The following RPS6KB1 variants were observed in gnomAD, a reference collection of about 807,000 sequenced individuals.
RPS6KB1 encodes ribosomal protein S6 kinase beta-1.
RPS6KB1 carries 12 observed loss-of-function variants against 70.2 expected under a neutral mutation model. The observed-to-expected ratio is 0.17, with a 90% CI of 0.11 to 0.28. The LOEUF is 0.28. Ranked by LOEUF, RPS6KB1 falls within the 10% of genes least tolerant of loss-of-function variation. The probability of loss-of-function intolerance (pLI) is 1.00; values close to 1 mark genes in which losing one functional copy is unlikely to be tolerated. For synonymous variants in RPS6KB1, 175 were observed against 211.2 expected (o/e 0.83, Z 1.49); for missense variants, 270 against 646.6 (o/e 0.42, Z 6.32).
chr17:59,946,791 G>C lies in RPS6KB1; in HGVS notation c.*3G>C. The C allele has an allele frequency of 1.9e-6, 3 of 1,613,566 alleles. No individual in the cohort carries two copies. The highest frequency in any genetic ancestry group is 2.5e-6 in the Non-Finnish European group (3 of 1,179,498). ...AGCACCTGCGTATGAATCTATGACA[G>C]AGCAATGCTTTTAATGAATTTAAGG... On this transcript the variant is annotated 3_prime_UTR_variant, in exon 15 of 15. Transcript: ENST00000225577. The surrounding 1 kb of genome is among the most constrained non-coding windows in gnomAD (Gnocchi z 4.2).
Position 59,893,351 on chromosome 17 carries a change from C to G in RPS6KB1, c.141+26C>G. The stretch of plus-strand genomic sequence containing the variant: ...GTGAGGCCCGGGGTCCCCGGGGGCC[C>G]GAGGTGACAGGGCCGGGGCGGCGGC... On this transcript the variant is annotated intron_variant, in intron 1 of 14. Coordinates refer to ENST00000225577, the MANE Select transcript of RPS6KB1 (RefSeq NM_003161.4). The surrounding 1 kb of genome is among the most constrained non-coding windows in gnomAD (Gnocchi z 4.1). 2 of 1,581,784 alleles carry G rather than the reference C, an allele frequency of 1.3e-6. No homozygotes were observed. The highest frequency in any genetic ancestry group is 1.7e-6 in the Non-Finnish European group (2 of 1,164,050).
intron 13 of RPS6KB1, among the ~76,000 whole-genome samples, chr17:59,944,136 C>T (rs1309041835): frequency 6.6e-6 from 1 of 152,100 alleles, no homozygotes; most frequent in African/African-American, 2.4e-5. Flanking sequence ...CTGAAGTTCA[C>T]ATATAACTGT....
intron 5 of RPS6KB1, among the ~76,000 whole-genome samples, chr17:59,927,587 A>C (rs1398849658): frequency 1.3e-5 from 2 of 149,144 alleles, no homozygotes; most frequent in African/African-American, 4.9e-5. Flanking sequence ...GCTCACTGCA[A>C]CTTCCGCCTC....
chr17:59,948,965 C>T lies in RPS6KB1; in HGVS notation c.*2177C>T, dbSNP rs1198362577. 6.6e-6 allele frequency: 1 copy of T among 152,584 alleles called. No individual in the cohort carries two copies. Among genetic ancestry groups the T allele is most frequent in the Non-Finnish European group, 1.5e-5 (1 of 68,002 alleles). 9.5% of individuals were successfully genotyped at this position (152,584 alleles called of 1,614,324 possible). On this transcript the variant is annotated 3_prime_UTR_variant, in exon 15 of 15. Transcript: ENST00000225577. ...TGACCAAATTCCAGTGAAACTTATA[C>T]ACCAAAATATTCTTCCTAGGTCCTA...
intron 1 of RPS6KB1, among the ~76,000 whole-genome samples, chr17:59,900,087 C>G (rs548072145): frequency 6.6e-6 from 1 of 151,770 alleles, no homozygotes; most frequent in Non-Finnish European, 1.5e-5. Flanking sequence ...AAGAGATGAT[C>G]ACTGGAGCCC....
At chr17:59,943,796 G>C (rs1367447767) in intron 13 of RPS6KB1, among the ~76,000 whole-genome samples, 1 of 150,824 alleles carries the variant, frequency 6.6e-6, no homozygotes, top group Non-Finnish European at 1.5e-5. Context: ...CTTGAACCCG[G>C]GAGGAGGAGG....
intron 12 of RPS6KB1, among the ~76,000 whole-genome samples, chr17:59,938,950 ACT>A (rs2044419016): frequency 6.6e-6 from 1 of 151,458 alleles, no homozygotes; most frequent in African/African-American, 2.4e-5. Context: ...AGGTTGAGAA[ACT>A]CTGGCCTACT....
intron 7 of RPS6KB1, among the ~76,000 whole-genome samples, chr17:59,933,527 C>T (rs1020014774): frequency 6.6e-6 from 1 of 152,190 alleles, no homozygotes; most frequent in African/African-American, 2.4e-5. Flanking sequence ...GATTGTTGAA[C>T]CACTTGTTAT....
At chr17:59,926,387 TA>T (rs1431394477) in intron 4 of RPS6KB1, 47 bp from the exon 5 acceptor site, 9 of 1,328,088 alleles carry the variant, frequency 6.8e-6, no homozygotes, top group Non-Finnish European at 8.3e-6. Context: ...GATTATAGAA[TA>T]AAAATGTTCA....
At position 59,893,976 on chromosome 17, in the gene RPS6KB1, A is replaced by G; in HGVS notation, c.141+651A>G. 1 of 968,282 alleles carries G rather than the reference A, an allele frequency of 1.0e-6. No homozygotes were observed. Among genetic ancestry groups the G allele is most frequent in the African/African-American group, 1.8e-5 (1 of 56,764 alleles). The allele number at this position is 968,282 out of a possible 1,614,324, so 60.0% of individuals were successfully genotyped here. ...ACCCCCTTCCGTGTGACTTTTTAAA[A>G]TAAGCATTTATAAGGACACACGGCA... On this transcript the variant is annotated intron_variant, in intron 1 of 14. Coordinates refer to ENST00000225577, the MANE Select transcript of RPS6KB1 (RefSeq NM_003161.4). The surrounding 1 kb of genome is among the most constrained non-coding windows in gnomAD (Gnocchi z 4.1).
At chr17:59,933,498 C>T (rs1180489634) in intron 7 of RPS6KB1, among the ~76,000 whole-genome samples, 1 of 152,162 alleles carries the variant, frequency 6.6e-6, no homozygotes, top group Non-Finnish European at 1.5e-5. Context: ...AAATGAACCT[C>T]AAATACTAGA....
intron 3 of RPS6KB1, among the ~76,000 whole-genome samples, chr17:59,914,008 T>G (rs2042799659): frequency 6.6e-6 from 1 of 152,158 alleles, no homozygotes; most frequent in African/African-American, 2.4e-5. Flanking sequence ...GCCATATTTG[T>G]GTTATTTTTT....
intron 1 of RPS6KB1, among the ~76,000 whole-genome samples, chr17:59,902,934 A>G (rs2042044598): frequency 6.6e-6 from 1 of 152,010 alleles, no homozygotes; most frequent in African/African-American, 2.4e-5. Context: ...TAATCCTAGC[A>G]CTGTGGGAGG....
At position 59,936,236 on chromosome 17, in the gene RPS6KB1, T is replaced by A. The variant is rs1223791841; in HGVS notation, c.1000T>A (p.Ser334Thr). 1.3e-6 allele frequency: 2 copies of A among 1,597,732 alleles called. No individual in the cohort carries two copies. Among genetic ancestry groups the A allele is most frequent in the Non-Finnish European group, 8.5e-7 (1 of 1,176,328 alleles). Residue 334 changes from serine to threonine, a missense_variant, in exon 11 of 15, where the codon TCT (serine) becomes ACT (threonine). This residue lies in a region of RPS6KB1 where 133 missense variants were observed against 314.7 expected (regional missense o/e 0.42). Transcript: ENST00000225577. Reference sequence around the variant, plus strand: ...AAAGCTGCTGAAAAGAAATGCTGCTTCTCGTCTGGGAGCTGGTCCTGGGGA... The same window carrying A: ...AAAGCTGCTGAAAAGAAATGCTGCTACTCGTCTGGGAGCTGGTCCTGGGGA... ...LKKLLKRNAA[S>T]RLGAGPGDAG...
rs1304242590 is a variant in RPS6KB1 at position 59,914,648 on chromosome 17, G to A, written c.326G>A (p.Arg109Gln). 4 of 1,611,956 alleles carry A rather than the reference G, an allele frequency of 2.5e-6. No homozygotes were observed. Among genetic ancestry groups the A allele is most frequent in the Non-Finnish European group, 1.7e-6 (2 of 1,179,494 alleles). Residue 109 changes from arginine to glutamine, a missense_variant, in exon 4 of 15, where the codon CGA becomes CAA. Physicochemically the swap from Arg to Gln is conservative, Grantham distance 43. Around this residue, in one of 4 missense-constraint regions of RPS6KB1, gnomAD observed 44 missense variants for 102.5 expected, o/e 0.43. Transcript: ENST00000225577. ...KGGYGKVFQV[R>Q]KVTGANTGKI... ...TTTTTAATCCAGGTTTTTCAAGTAC[G>A]AAAAGTAACAGGAGCAAATACTGGG...
intron 7 of RPS6KB1, among the ~76,000 whole-genome samples, chr17:59,932,444 C>T (rs556507699): frequency 6.6e-6 from 1 of 151,848 alleles, no homozygotes; most frequent in Non-Finnish European, 1.5e-5. Context: ...ATATTAGAAG[C>T]TATGCTTCTT....
intron 1 of RPS6KB1, among the ~76,000 whole-genome samples, chr17:59,906,220 A>G (rs955647037): frequency 1.3e-5 from 2 of 152,130 alleles, no homozygotes; most frequent in Admixed American, 6.6e-5. Context: ...GTTGATCTAT[A>G]TGTCTTTCTT....
chr17:59,909,423 G>A (rs369476222), intron 1 of RPS6KB1, among the ~76,000 whole-genome samples: 6 of 150,412 alleles, frequency 4.0e-5, no homozygotes, highest in South Asian at 2.1e-4. Context: ...ATGCGACACC[G>A]CACCCGTCTA....
chr17:59,899,385 T>C (rs2041772672), intron 1 of RPS6KB1, among the ~76,000 whole-genome samples: 1 of 152,184 alleles, frequency 6.6e-6, no homozygotes, highest in African/African-American at 2.4e-5. Context: ...TAGCACAATA[T>C]GCAGGTGCCA....
Sources: gnomAD v4.1 joint callset for allele counts (sites outside exome capture counted in the v4.1 genomes callset) on GRCh38, gnomAD v4.1.1 for gene constraint, gnomAD v4.1.1 regional missense constraint, Gnocchi (gnomAD v3.1) non-coding constraint, MANE v1.5 for transcripts, NCBI Gene and HGNC (gene_info 2026-07-23, HGNC 2026-07-21) for gene names.